DNAH7: variants seen among roughly 807,000 people sequenced by gnomAD.
DNAH7 encodes the protein dynein axonemal heavy chain 7.
A neutral mutation model predicts 444.6 loss-of-function variants in DNAH7; 397 were observed. The ratio of observed to expected loss-of-function variants is 0.89; its 90% CI spans 0.82 to 0.97. DNAH7 has a LOEUF of 0.97. Among genes scored for constraint, DNAH7 ranks in the 50% least tolerant of loss-of-function variants. The pLI is 0.00. For missense variants in DNAH7, 4,902 were observed against 4,800.8 expected (o/e 1.02, Z -0.62); for synonymous variants, 1,636 against 1,624.4 (o/e 1.01, Z -0.17).
intron 63 of DNAH7, among the ~76,000 whole-genome samples, chr2:195,750,569 C>T (rs576956930): frequency 5.3e-5 from 8 of 152,172 alleles, no homozygotes; most frequent in Non-Finnish European, 1.0e-4. Flanking sequence ...CAAACTTCTA[C>T]CAAAATACTC....
chr2:196,042,956 A>C (rs908943477), intron 5 of DNAH7, among the ~76,000 whole-genome samples: 1 of 152,152 alleles, frequency 6.6e-6, no homozygotes, highest in African/African-American at 2.4e-5. Flanking sequence ...GCCATGAATA[A>C]ACCTCAGAAA....
chr2:195,884,994 T>C (rs1701627049), intron 34 of DNAH7, among the ~76,000 whole-genome samples, 185 bp from the exon 35 acceptor site: 1 of 152,214 alleles, frequency 6.6e-6, no homozygotes, highest in Admixed American at 6.5e-5. Context: ...CGCATGCTTA[T>C]AAAATCTTAG....
intron 25 of DNAH7, among the ~76,000 whole-genome samples, chr2:195,908,641 T>A (rs752997074): frequency 6.6e-6 from 1 of 152,126 alleles, no homozygotes; most frequent in Non-Finnish European, 1.5e-5. Context: ...AGTATTTCAT[T>A]GTATAGATAT....
intron 42 of DNAH7, among the ~76,000 whole-genome samples, chr2:195,859,463 A>AAT (rs953482311): frequency 1.3e-4 from 19 of 151,932 alleles, no homozygotes; most frequent in East Asian, 3.9e-4. Flanking sequence ...TTTATCTGCA[A>AAT]ATATATATAT....
intron 10 of DNAH7, among the ~76,000 whole-genome samples, chr2:196,009,623 A>G (rs139093000): frequency 6.6e-6 from 1 of 152,334 alleles, no homozygotes; most frequent in Non-Finnish European, 1.5e-5. Flanking sequence ...GTGTTGAGGA[A>G]TACCTAAAAG....
intron 2 of DNAH7, among the ~76,000 whole-genome samples, chr2:196,052,289 T>C (rs1697522979): frequency 6.6e-6 from 1 of 152,144 alleles, no homozygotes; most frequent in Non-Finnish European, 1.5e-5. Flanking sequence ...CTAGAGGGAG[T>C]GGCTGCTCCT....
At chr2:195,773,804 A>C (rs1228201782) in intron 60 of DNAH7, among the ~76,000 whole-genome samples, 1 of 152,346 alleles carries the variant, frequency 6.6e-6, no homozygotes. Flanking sequence ...CAATTTTTCT[A>C]TTCTAAATAG....
intron 60 of DNAH7, among the ~76,000 whole-genome samples, chr2:195,772,916 G>A (rs1308805541): frequency 2.0e-5 from 3 of 152,006 alleles, no homozygotes; most frequent in African/African-American, 7.2e-5. Flanking sequence ...AAATAGCTGG[G>A]ATTATAGGGG....
chr2:195,891,662 G>A lies in DNAH7; in HGVS notation c.5039C>T (p.Ser1680Phe), dbSNP rs1405747376. The change falls in exon 31 of 65, where the codon TCT (serine) becomes TTT (phenylalanine). Residue 1680 changes from serine to phenylalanine, a missense_variant. Ser to Phe is a radical substitution (Grantham distance 155). Transcript: ENST00000312428. ...GAAAGTGTTAGAACTTACCACTGAA[G>A]AGGCAAATGCTCTAAAACTGACAGC... The part of the protein sequence containing the change: ...VLAVSFRAFA[S>F]SVTPDRKWLI... The A allele has an allele frequency of 6.3e-7, 1 of 1,584,278 alleles. No homozygotes were observed. The highest frequency in any genetic ancestry group is 8.6e-7 in the Non-Finnish European group (1 of 1,168,440).
At chr2:195,758,902 C>G (rs573069451) in intron 61 of DNAH7, among the ~76,000 whole-genome samples, 168 of 152,336 alleles carry the variant, frequency 1.1e-3, no homozygotes, top group Non-Finnish European at 7.6e-4. Flanking sequence ...TTTCAGCAAG[C>G]CTTGCCACCA....
chr2:195,933,930 TTAA>T (rs1327802312), intron 21 of DNAH7, among the ~76,000 whole-genome samples: 1 of 152,034 alleles, frequency 6.6e-6, no homozygotes, highest in East Asian at 1.9e-4. Context: ...TTAAAATTAA[TTAA>T]TTAGTTATAC....
In DNAH7 at chr2:196,012,381, C is replaced by T. The variant is rs73987659; in HGVS notation, c.989+406G>A. 4.4e-3 allele frequency among the ~76,000 whole-genome samples: 676 copies of T among 152,130 alleles called. 6 individuals carry two copies. Among genetic ancestry groups the T allele is most frequent in the African/African-American group, 0.014 (595 of 41,500 alleles). On this transcript the variant is annotated intron_variant, in intron 10 of 64. Transcript: ENST00000312428. Reference sequence around the variant, plus strand: ...AATTCATTTAAACGATATACTTTCCCCACTTAACCATTCTTTAAACTCTTC... The same window carrying T: ...AATTCATTTAAACGATATACTTTCCTCACTTAACCATTCTTTAAACTCTTC...
chr2:195,894,644 C>A, intron 30 of DNAH7: 1 of 174,652 alleles, frequency 5.7e-6, no homozygotes, highest in Non-Finnish European at 1.2e-5. Context: ...CATTACAAAT[C>A]TATCTAGAAA....
At chr2:195,903,059 A>T (rs1220512169) in intron 27 of DNAH7, 3 of 152,196 alleles carry the variant, frequency 2.0e-5, no homozygotes, top group Admixed American at 2.0e-4. Flanking sequence ...CCAAGACTTG[A>T]GTAAATTCCA....
chr2:195,897,986 C>T (rs1457656210), intron 28 of DNAH7, among the ~76,000 whole-genome samples: 3 of 152,054 alleles, frequency 2.0e-5, no homozygotes, highest in Non-Finnish European at 4.4e-5. Flanking sequence ...GTTAAACTAA[C>T]TACCTTTTCA....
Position 195,864,233 on chromosome 2 carries a change from G to A in DNAH7, c.7422C>T (p.Ala2474=). The change falls in exon 41 of 65, where the codon GCC becomes GCT. Residue 2474 remains alanine (A), a synonymous_variant. Coordinates refer to ENST00000312428, the MANE Select transcript of DNAH7 (RefSeq NM_018897.3). ...GAAATGCATCTCCAATGGGACTCAT[G>A]GCAAGGACCACATGCAGTTGGCTGC... ...HCRSQLHVVL[A]MSPIGDAFRN... The A allele has an allele frequency of 6.2e-7, 1 of 1,614,172 alleles. No individual in the cohort carries two copies. Among genetic ancestry groups the A allele is most frequent in the Non-Finnish European group, 8.5e-7 (1 of 1,180,024 alleles).
chr2:196,068,086 T>C (rs1471795965), intron 1 of DNAH7, among the ~76,000 whole-genome samples: 1 of 152,210 alleles, frequency 6.6e-6, no homozygotes, highest in Non-Finnish European at 1.5e-5. Context: ...AAGCAGCTAT[T>C]GCAAAGTGCA....
chr2:196,035,178 T>C (rs1240437172), intron 5 of DNAH7, among the ~76,000 whole-genome samples: 2 of 151,120 alleles, frequency 1.3e-5, no homozygotes, highest in Non-Finnish European at 1.5e-5. Flanking sequence ...AAAGACTCCA[T>C]CTCAAAAAAA....
At chr2:195,867,010 T>C (rs931404932) in intron 40 of DNAH7, among the ~76,000 whole-genome samples, 3 of 152,352 alleles carry the variant, frequency 2.0e-5, no homozygotes, top group Admixed American at 2.0e-4. Flanking sequence ...ACCATGATTG[T>C]GAGGCATCAC....
Sources: gnomAD v4.1 joint callset for allele counts (sites outside exome capture counted in the v4.1 genomes callset) on GRCh38, gnomAD v4.1.1 for gene constraint, MANE v1.5 for transcripts, NCBI Gene and HGNC (gene_info 2026-07-23, HGNC 2026-07-21) for gene names.